The following DLG2 variants were observed in gnomAD, a reference collection of about 807,000 sequenced individuals.
DLG2 encodes the protein discs large MAGUK scaffold protein 2.
Under a neutral mutation model 132.5 loss-of-function variants are expected in DLG2, and 45 were observed. The observed-to-expected ratio is 0.34, with a 90% CI of 0.27 to 0.44. The LOEUF (loss-of-function observed/expected upper bound fraction) is 0.44, where lower values mean the gene tolerates loss of function less well. Among genes scored for constraint, DLG2 ranks in the 20% least tolerant of loss-of-function variants. The pLI is 1.00. For synonymous variants in DLG2, 424 were observed against 419.6 expected (o/e 1.01, Z -0.13); for missense variants, 1,045 against 1,196.9 (o/e 0.87, Z 1.87).
chr11:84,537,165 G>A (rs1455551227), intron 6 of DLG2, among the ~76,000 whole-genome samples: 5 of 152,020 alleles, frequency 3.3e-5, no homozygotes, highest in Non-Finnish European at 7.4e-5. Context: ...GGAGTGCAGT[G>A]GCACGATCTC....
At chr11:84,345,345 G>A (rs952394874) in intron 7 of DLG2, among the ~76,000 whole-genome samples, 6 of 152,150 alleles carry the variant, frequency 3.9e-5, no homozygotes, top group Admixed American at 2.6e-4. Context: ...TCCTGTACAC[G>A]AGTAAATACT....
intron 7 of DLG2, among the ~76,000 whole-genome samples, chr11:84,336,243 G>A (rs566044896): frequency 6.6e-6 from 1 of 152,258 alleles, no homozygotes; most frequent in South Asian, 2.1e-4. Context: ...AAATAATCTG[G>A]TTAAATGCTA....
At chr11:85,218,987 T>C (rs2082811928) in intron 4 of DLG2, among the ~76,000 whole-genome samples, 1 of 152,086 alleles carries the variant, frequency 6.6e-6, no homozygotes, top group Non-Finnish European at 1.5e-5. Flanking sequence ...GAAAACCAAA[T>C]ACCACATGTT....
intron 4 of DLG2, among the ~76,000 whole-genome samples, chr11:85,189,354 A>C (rs955820357): frequency 1.3e-5 from 2 of 152,222 alleles, no homozygotes; most frequent in Non-Finnish European, 2.9e-5. Flanking sequence ...TTTGTCCATC[A>C]GTGGCCAAAT....
intron 6 of DLG2, among the ~76,000 whole-genome samples, chr11:84,619,305 T>A (rs2099609917): frequency 6.6e-6 from 1 of 152,010 alleles, no homozygotes; most frequent in South Asian, 2.1e-4. Context: ...AATGTTAATT[T>A]AAAATACTGC....
intron 19 of DLG2, among the ~76,000 whole-genome samples, chr11:83,616,349 T>C (rs183242955): frequency 6.6e-6 from 1 of 152,320 alleles, no homozygotes; most frequent in African/African-American, 2.4e-5. Context: ...TGAGCAATGT[T>C]TGAGACTCTC....
At chr11:85,061,858 G>A (rs918665390) in intron 6 of DLG2, among the ~76,000 whole-genome samples, 6 of 151,830 alleles carry the variant, frequency 4.0e-5, no homozygotes, top group Non-Finnish European at 7.4e-5. Context: ...TGCTCTCTGA[G>A]TGTTACTGAA....
Position 85,504,328 on chromosome 11 carries a change from G to A in DLG2, c.40+94329C>T, listed in dbSNP as rs1251853043. On this transcript the variant is annotated intron_variant, in intron 3 of 27. Transcript: ENST00000376104. ...ATGGTATTGCCTAGGTTTTCTTCTA[G>A]GGTTTTTATGGTTTTAGGTCTAACA... Among the ~76,000 whole-genome samples, 3 of 152,012 alleles carry A rather than the reference G, an allele frequency of 2.0e-5. 1 individual carries two copies. The highest frequency in any genetic ancestry group is 1.3e-4 in the Admixed American group (2 of 15,250).
intron 11 of DLG2, among the ~76,000 whole-genome samples, chr11:84,032,823 C>T (rs1214744903): frequency 2.0e-5 from 3 of 152,102 alleles, no homozygotes; most frequent in Non-Finnish European, 4.4e-5. Flanking sequence ...GAAGCCAATG[C>T]TTATTTACCA....
At chr11:84,190,575 C>T (rs1342900588) in intron 8 of DLG2, among the ~76,000 whole-genome samples, 1 of 152,164 alleles carries the variant, frequency 6.6e-6, no homozygotes, top group African/African-American at 2.4e-5. Flanking sequence ...CAGAGTTGTA[C>T]AATTTTCAGA....
chr11:84,199,448 A>G (rs1484671199), intron 8 of DLG2, among the ~76,000 whole-genome samples: 2 of 152,184 alleles, frequency 1.3e-5, no homozygotes, highest in Non-Finnish European at 2.9e-5. Flanking sequence ...AAAGCAAGAA[A>G]ATAGGATCCA....
At chr11:84,752,474 A>G (rs942108191) in intron 6 of DLG2, among the ~76,000 whole-genome samples, 5 of 151,806 alleles carry the variant, frequency 3.3e-5, no homozygotes, top group Non-Finnish European at 5.9e-5. Flanking sequence ...ATTTTATTTT[A>G]TTATTATTTT....
At chr11:84,773,994 T>A (rs1464142472) in intron 6 of DLG2, among the ~76,000 whole-genome samples, 1 of 151,958 alleles carries the variant, frequency 6.6e-6, no homozygotes, top group Non-Finnish European at 1.5e-5. Flanking sequence ...GAAGTCAAAC[T>A]CTCTCTCTTC....
intron 2 of DLG2, among the ~76,000 whole-genome samples, chr11:85,599,488 G>T (rs934468257): frequency 6.6e-6 from 1 of 151,454 alleles, no homozygotes; most frequent in Non-Finnish European, 1.5e-5. Flanking sequence ...AGGGGTTCTT[G>T]TCAGGCAAAT....
intron 4 of DLG2, among the ~76,000 whole-genome samples, chr11:85,234,367 T>C (rs2075465789): frequency 6.6e-6 from 1 of 151,990 alleles, no homozygotes; most frequent in African/African-American, 2.4e-5. Context: ...GTTGGAAAGA[T>C]GCCATTATAC....
intron 11 of DLG2, among the ~76,000 whole-genome samples, chr11:84,027,231 G>A (rs971107052): frequency 6.6e-6 from 1 of 152,052 alleles, no homozygotes; most frequent in Non-Finnish European, 1.5e-5. Flanking sequence ...GCTTTAAATG[G>A]ACATAGGATT....
intron 14 of DLG2, among the ~76,000 whole-genome samples, chr11:83,941,853 C>T (rs10898183): frequency 0.14 from 21,492 of 152,110 alleles, 1,557 homozygotes; most frequent in Middle Eastern, 0.17. Flanking sequence ...TCATATTATA[C>T]ATATTATGCC....
intron 9 of DLG2, among the ~76,000 whole-genome samples, chr11:84,140,498 T>C (rs921255624): frequency 6.6e-6 from 1 of 152,118 alleles, no homozygotes; most frequent in African/African-American, 2.4e-5. Flanking sequence ...TACAACACAA[T>C]TGGAACACTG....
chr11:84,108,045 A>G (rs2093089906), intron 9 of DLG2, among the ~76,000 whole-genome samples: 1 of 152,132 alleles, frequency 6.6e-6, no homozygotes, highest in Non-Finnish European at 1.5e-5. Context: ...GATATGGTTT[A>G]CTTTGTAAGT....
Sources: allele counts gnomAD v4.1 joint callset (sites outside exome capture counted in the v4.1 genomes callset), GRCh38; gene constraint gnomAD v4.1.1; transcripts MANE v1.5; gene names NCBI Gene and HGNC (gene_info 2026-07-23, HGNC 2026-07-21).